Variants in COL4A4 observed in about 807,000 individuals in gnomAD.
The protein encoded by COL4A4 is collagen type IV alpha 4 chain.
A neutral mutation model predicts 192.9 loss-of-function variants in COL4A4; 105 were observed. The observed-to-expected ratio is 0.54, with a 90% CI of 0.46 to 0.64. COL4A4 has a LOEUF of 0.64. Among genes scored for constraint, COL4A4 ranks in the 30% least tolerant of loss-of-function variants. COL4A4 has a pLI of 0.00. For missense variants in COL4A4, 1,967 were observed against 2,169.3 expected (o/e 0.91, Z 1.85); for synonymous variants, 762 against 769.9 (o/e 0.99, Z 0.17).
rs2251223 is a variant in COL4A4 at position 227,050,259 on chromosome 2, T to G, written c.3151-128A>C. On this transcript the variant is annotated intron_variant, in intron 33 of 47. Coordinates refer to ENST00000396625, the MANE Select transcript of COL4A4 (RefSeq NM_000092.5). The stretch of plus-strand genomic sequence containing the variant: ...GTAATCTGCAGTGGTAACGAAAGTT[T>G]AAATGCATGCAAGCCTCCCACTACA... The G allele has an allele frequency of 0.63, 500,431 of 795,674 alleles. 160,150 individuals are homozygous for G. The highest frequency in any genetic ancestry group is 0.84 in the African/African-American group (49,527 of 59,238). 49.3% of individuals were successfully genotyped at this position (795,674 alleles called of 1,614,324 possible). A position where few individuals can be genotyped will look rare whatever the true frequency, so the allele number is the denominator to read the frequency against.
intron 37 of COL4A4, among the ~76,000 whole-genome samples, chr2:227,039,531 A>T (rs543071388): frequency 6.6e-6 from 1 of 152,336 alleles, no homozygotes; most frequent in South Asian, 2.1e-4. Context: ...AACAAATTCA[A>T]GGGAAAGAAA....
At position 227,043,097 on chromosome 2, in the gene COL4A4, G is replaced by A. The variant is rs750980978; in HGVS notation, c.3377C>T (p.Ser1126Phe). The A allele has an allele frequency of 6.2e-7, 1 of 1,613,538 alleles. No homozygotes were observed. The highest frequency in any genetic ancestry group is 2.2e-5 in the East Asian group (1 of 44,862). The change falls in exon 36 of 48, where the codon TCT becomes TTT. Residue 1126 changes from serine (S) to phenylalanine (F), a missense_variant. Physicochemically the swap from Ser to Phe is radical, Grantham distance 155. Coordinates refer to ENST00000396625, the MANE Select transcript of COL4A4 (RefSeq NM_000092.5). ...SPGRPGPPGS[S>F]GPPGCPGDHG... ...GGTACCTGGGCACCCTGGTGGTCCA[G>A]AGGAGCCAGGTGGCCCTGGCCTTCC...
chr2:227,161,175 C>G (rs1410570107), intron 1 of COL4A4, among the ~76,000 whole-genome samples: 1 of 152,188 alleles, frequency 6.6e-6, no homozygotes, highest in Admixed American at 6.5e-5. Context: ...ATTCAGGAAA[C>G]AGTAACAGCC....
intron 25 of COL4A4, among the ~76,000 whole-genome samples, chr2:227,066,944 C>T (rs1443702644): frequency 6.7e-6 from 1 of 148,322 alleles, no homozygotes; most frequent in Non-Finnish European, 1.5e-5. Flanking sequence ...GAGTCAAGAC[C>T]CATCAGTGTG....
the COL4A4 span, among the ~76,000 whole-genome samples, chr2:226,973,375 G>A: frequency 6.6e-6 from 1 of 152,200 alleles, no homozygotes; most frequent in South Asian, 2.1e-4. Flanking sequence ...GTGGGTGCCT[G>A]GGGGAGATGT....
the COL4A4 span, among the ~76,000 whole-genome samples, chr2:226,993,064 C>G: frequency 6.6e-6 from 1 of 152,224 alleles, no homozygotes; most frequent in South Asian, 2.1e-4. Context: ...TGGTTCTCCT[C>G]GAATGCCCTG....
intron 35 of COL4A4, among the ~76,000 whole-genome samples, chr2:227,045,484 T>C (rs58737221): frequency 0.48 from 67,273 of 139,484 alleles, 15,319 homozygotes; most frequent in South Asian, 0.63. Flanking sequence ...TTATACTATG[T>C]CTAGGCCGGG....
intron 25 of COL4A4, among the ~76,000 whole-genome samples, chr2:227,064,898 T>G (rs1040736523): frequency 6.6e-6 from 1 of 152,176 alleles, no homozygotes; most frequent in Admixed American, 6.5e-5. Flanking sequence ...GATGGCCGAA[T>G]AGGAACAGCT....
chr2:227,161,942 A>G (rs1576975470), intron 1 of COL4A4, among the ~76,000 whole-genome samples: 1 of 152,322 alleles, frequency 6.6e-6, no homozygotes, highest in African/African-American at 2.4e-5. Flanking sequence ...GTACAAAAAA[A>G]AAAAAAGAAT....
intron 13 of COL4A4, 93 bp downstream of exon 13, chr2:227,103,879 T>G (rs972364382): frequency 1.1e-6 from 1 of 918,010 alleles, no homozygotes; most frequent in Non-Finnish European, 1.7e-6. Context: ...CAGTGATGCA[T>G]AGAAAGACCT....
the COL4A4 span, chr2:226,995,615 C>A: frequency 2.2e-6 from 2 of 903,838 alleles, no homozygotes; most frequent in African/African-American, 1.7e-5. Context: ...TCATTTTAAA[C>A]AAAAGCAGAG....
chr2:227,153,776 C>CA (rs746449758), intron 1 of COL4A4, among the ~76,000 whole-genome samples: 4 of 152,180 alleles, frequency 2.6e-5, no homozygotes, highest in Non-Finnish European at 5.9e-5. Flanking sequence ...AAAATGGACA[C>CA]ACTGAGTAAG....
rs979921361 is a variant in COL4A4, at chr2:227,123,304, A to G, written c.193-2156T>C. Among the ~76,000 whole-genome samples, 3 of 152,222 alleles carry G rather than the reference A, an allele frequency of 2.0e-5. No homozygotes were observed. The highest frequency in any genetic ancestry group is 1.5e-5 in the Non-Finnish European group (1 of 68,044). ...CAATAGCAAGAGAAACCGGAAATCC[A>G]CGGGAAAGGCACCAACCTGAGACTC... On this transcript the variant is annotated intron_variant, in intron 4 of 47. Transcript: ENST00000396625. This position sits in a 1 kb window ranked among gnomAD's most constrained non-coding sequence, Gnocchi z 4.6.
chr2:227,098,658 A>G, intron 19 of COL4A4, 36 bp downstream of exon 19: 1 of 1,507,392 alleles, frequency 6.6e-7, no homozygotes, highest in Non-Finnish European at 9.2e-7. Context: ...AGGAAATCTG[A>G]CCTGTAAAAG....
rs775630232 is a variant in COL4A4 at position 227,098,742 on chromosome 2, G to A, written c.1156C>T (p.Pro386Ser). ...GRYGETGDVG[P>S]PGPPGLLGRP... ...CCCAAGAGACCTGGGGGACCAGGTG[G>A]TCCAACATCCCCTGTTTCTCCATAG... Residue 386 changes from proline to serine, a missense_variant, in exon 19 of 48, where the codon CCA becomes TCA. Physicochemically the swap from Pro to Ser is moderately conservative, Grantham distance 74. Transcript: ENST00000396625. 10 of 1,613,982 alleles carry A rather than the reference G, an allele frequency of 6.2e-6. No homozygotes were observed. The East Asian group carries it at 1.6e-4, about 25-fold the overall frequency.
chr2:227,051,903 A>T lies in COL4A4; in HGVS notation c.2968+402T>A, dbSNP rs114477001. The stretch of plus-strand genomic sequence containing the variant: ...TTTGTGTTTATTTATATCTAAAAAA[A>T]ATGGCCTTTTCTCACAGTGGTTCAC... On this transcript the variant is annotated intron_variant, in intron 32 of 47. Transcript: ENST00000396625. Among the ~76,000 whole-genome samples, 875 of 152,276 alleles carry T rather than the reference A, an allele frequency of 5.7e-3. 5 individuals are homozygous for T. The highest frequency in any genetic ancestry group is 0.02 in the African/African-American group (839 of 41,548).
At chr2:227,045,826 A>G (rs184507874) in intron 35 of COL4A4, among the ~76,000 whole-genome samples, 2 of 61,104 alleles carry the variant, frequency 3.3e-5, no homozygotes, top group Non-Finnish European at 5.9e-5. Flanking sequence ...ACACATATAT[A>G]TATATACACA....
intron 44 of COL4A4, among the ~76,000 whole-genome samples, chr2:227,015,200 C>T (rs1964619530): frequency 6.6e-6 from 1 of 152,122 alleles, no homozygotes; most frequent in Admixed American, 6.5e-5. Context: ...CACACCCAGC[C>T]CTTATTTCCA....
chr2:227,148,569 C>T (rs888227806), intron 1 of COL4A4, among the ~76,000 whole-genome samples: 1 of 152,046 alleles, frequency 6.6e-6, no homozygotes, highest in Non-Finnish European at 1.5e-5. Flanking sequence ...ATACTAAAAA[C>T]CTCTGAATAG....
Sources: allele counts gnomAD v4.1 joint callset (sites outside exome capture counted in the v4.1 genomes callset), GRCh38; gene constraint gnomAD v4.1.1; non-coding constraint Gnocchi (gnomAD v3.1); transcripts MANE v1.5; gene names NCBI Gene and HGNC (gene_info 2026-07-23, HGNC 2026-07-21).